Variants in UCK2 observed in about 807,000 individuals in gnomAD.
UCK2 encodes cytidine monophosphokinase 2.
Under a neutral mutation model 30.8 loss-of-function variants are expected in UCK2, and 6 were observed. The observed-to-expected ratio is 0.19, with a 90% confidence interval of 0.11 to 0.38. UCK2 has a LOEUF of 0.38. UCK2 is among the 10% of genes least tolerant of loss of function. The pLI is 1.00. For synonymous variants in UCK2, 125 were observed against 133.6 expected (o/e 0.94, Z 0.45); for missense variants, 210 against 339.8 (o/e 0.62, Z 3.00).
chr1:165,871,447 A>G (rs892877909), intron 1 of UCK2, among the ~76,000 whole-genome samples: 12 of 152,182 alleles, frequency 7.9e-5, no homozygotes, highest in African/African-American at 2.9e-4. Context: ...TGAACTCCAC[A>G]GGGACACAGC....
chr1:165,868,062 T>C (rs1229994494), intron 1 of UCK2, among the ~76,000 whole-genome samples: 1 of 152,242 alleles, frequency 6.6e-6, no homozygotes, highest in Non-Finnish European at 1.5e-5. Context: ...TTAATCTCCT[T>C]GTACATCTCC....
chr1:165,859,980 G>A (rs1031097052), intron 1 of UCK2, among the ~76,000 whole-genome samples: 3 of 152,164 alleles, frequency 2.0e-5, no homozygotes, highest in Non-Finnish European at 2.9e-5. Context: ...CTCCTTGTGC[G>A]GGACCAGTCT....
chr1:165,890,310 C>G lies in UCK2; in HGVS notation c.206C>G (p.Thr69Ser). The part of the protein sequence containing the change: ...LSQDSFYRVL[T>S]SEQKAKALKG... ...CAGGATAGCTTCTACCGTGTCCTTA[C>G]CTCGGAGCAGAAGGCCAAAGCCCTG... is the stretch of plus-strand genomic sequence containing the variant. The change falls in exon 2 of 7, where the codon ACC becomes AGC. Residue 69 changes from threonine (T) to serine (S), a missense_variant. This residue lies in a region of UCK2 where 75 missense variants were observed against 124.7 expected (regional missense o/e 0.60). Coordinates refer to ENST00000367879, the MANE Select transcript of UCK2 (RefSeq NM_012474.5). 2 of 1,614,124 alleles carry G rather than the reference C, an allele frequency of 1.2e-6. No homozygotes were observed. The highest frequency in any genetic ancestry group is 8.5e-7 in the Non-Finnish European group (1 of 1,180,040).
chr1:165,895,383 C>T (rs1655873940), intron 3 of UCK2: 2 of 772,624 alleles, frequency 2.6e-6, no homozygotes, highest in African/African-American at 3.8e-5. Flanking sequence ...CCGCTGCACT[C>T]CAGCCTCCTG....
rs386368582 is a variant in UCK2 at position 165,902,592 on chromosome 1, A to ATTTTTTTTTTTTTTTTTTTTTT, written c.500-584_500-563dup. On this transcript the variant is annotated intron_variant, in intron 4 of 6. Coordinates refer to ENST00000367879, the MANE Select transcript of UCK2 (RefSeq NM_012474.5). ...TGGTTTTCTTATCTTTCACTGAGTG[A>ATTTTTTTTTTTTTTTTTTTTTT]TTTTTTTTTTTTTTTTTTTTTTTTT... 2.6e-4 allele frequency: 12 copies of ATTTTTTTTTTTTTTTTTTTTTT among 45,758 alleles called. 4 individuals are homozygous for ATTTTTTTTTTTTTTTTTTTTTT. The highest frequency in any genetic ancestry group is 1.7e-3 in the East Asian group (2 of 1,204). 2.8% of individuals were successfully genotyped at this position (45,758 alleles called of 1,614,324 possible).
chr1:165,905,822 T>A, intron 5 of UCK2, 99 bp from the exon 6 acceptor site: 1 of 1,092,832 alleles, frequency 9.2e-7, no homozygotes, highest in Non-Finnish European at 1.4e-6. Flanking sequence ...CTGGGCTCGC[T>A]AGTATGAATG....
chr1:165,831,356 A>G (rs1435136012), intron 1 of UCK2, among the ~76,000 whole-genome samples: 1 of 152,174 alleles, frequency 6.6e-6, no homozygotes. Flanking sequence ...TGTACTCCAG[A>G]CTGGGCAACG....
intron 6 of UCK2, 59 bp downstream of exon 6, chr1:165,906,028 T>C: frequency 6.5e-7 from 1 of 1,550,140 alleles, no homozygotes; most frequent in Non-Finnish European, 8.9e-7. Context: ...CAGTCATAAT[T>C]TGGGGCAGGA....
chr1:165,888,642 C>CTTTTTTTTTTTT (rs60874109), intron 1 of UCK2, among the ~76,000 whole-genome samples: 3 of 71,062 alleles, frequency 4.2e-5, no homozygotes, highest in Non-Finnish European at 7.4e-5. Context: ...CTTTCTTCTT[C>CTTTTTTTTTTTT]TTTTTTTTTT....
chr1:165,848,361 G>A (rs771753000), intron 1 of UCK2, among the ~76,000 whole-genome samples: 1 of 152,208 alleles, frequency 6.6e-6, no homozygotes, highest in Non-Finnish European at 1.5e-5. Context: ...GTCAGGTGTG[G>A]TGGCTTACGC....
At chr1:165,858,482 C>T (rs1289696654) in intron 1 of UCK2, among the ~76,000 whole-genome samples, 1 of 152,188 alleles carries the variant, frequency 6.6e-6, no homozygotes, top group African/African-American at 2.4e-5. Flanking sequence ...AAACAAGCAA[C>T]CAGCTGCTCT....
intron 1 of UCK2, among the ~76,000 whole-genome samples, chr1:165,836,318 C>A (rs1434486460): frequency 6.6e-6 from 1 of 152,086 alleles, no homozygotes; most frequent in African/African-American, 2.4e-5. Context: ...AGCCTTCCAC[C>A]CCCAATTATT....
At chr1:165,904,588 C>T (rs1477598770) in intron 5 of UCK2, among the ~76,000 whole-genome samples, 6 of 152,212 alleles carry the variant, frequency 3.9e-5, no homozygotes, top group Non-Finnish European at 5.9e-5. Context: ...ATTCTGCAGA[C>T]GTTTTCTGGG....
chr1:165,843,769 C>T (rs4548416), intron 1 of UCK2, among the ~76,000 whole-genome samples: 76,157 of 151,970 alleles, frequency 0.5, 19,124 homozygotes, highest in Middle Eastern at 0.67. Flanking sequence ...CTTTATCATA[C>T]TTTGCCACTT....
chr1:165,879,944 G>A (rs1166458430), intron 1 of UCK2, among the ~76,000 whole-genome samples: 2 of 152,240 alleles, frequency 1.3e-5, no homozygotes, highest in African/African-American at 2.4e-5. Context: ...GGCATTAGAT[G>A]TGGGTGCTGG....
At chr1:165,896,069 G>T in intron 3 of UCK2, 121 bp from the exon 4 acceptor site, 1 of 1,291,678 alleles carries the variant, frequency 7.7e-7, no homozygotes, top group South Asian at 1.4e-5. Flanking sequence ...TTTAGCCCCC[G>T]CTTGAAGTCT....
At chr1:165,840,216 G>T (rs767581682) in intron 1 of UCK2, among the ~76,000 whole-genome samples, 4 of 152,256 alleles carry the variant, frequency 2.6e-5, no homozygotes, top group Non-Finnish European at 5.9e-5. Context: ...ACTGTGCCCG[G>T]CCTGGTCAGC....
At chr1:165,840,909 C>G (rs1376760624) in intron 1 of UCK2, among the ~76,000 whole-genome samples, 1 of 152,060 alleles carries the variant, frequency 6.6e-6, no homozygotes, top group Admixed American at 6.5e-5. Flanking sequence ...TCTAAAAGCA[C>G]GGTTCAATGA....
At chr1:165,886,011 A>G (rs1655605001) in intron 1 of UCK2, among the ~76,000 whole-genome samples, 1 of 152,176 alleles carries the variant, frequency 6.6e-6, no homozygotes, top group Non-Finnish European at 1.5e-5. Flanking sequence ...GAACCCTTTC[A>G]TTATATAAAA....
Sources: allele counts gnomAD v4.1 joint callset (sites outside exome capture counted in the v4.1 genomes callset), GRCh38; gene constraint gnomAD v4.1.1; regional missense constraint gnomAD v4.1.1; transcripts MANE v1.5; gene names NCBI Gene and HGNC (gene_info 2026-07-23, HGNC 2026-07-21).